CLK4: variants seen among roughly 807,000 people sequenced by gnomAD.
The protein encoded by CLK4 is dual specificity protein kinase CLK4.
In CLK4, 37 loss-of-function variants were observed where a neutral mutation model predicts 64.4. The ratio of observed to expected loss-of-function variants is 0.57; its 90% CI spans 0.44 to 0.76. The LOEUF (loss-of-function observed/expected upper bound fraction) is 0.76, where lower values mean the gene tolerates loss of function less well. CLK4 is among the 30% of genes least tolerant of loss of function. The probability of loss-of-function intolerance (pLI) is 0.00; values close to 1 mark genes in which losing one functional copy is unlikely to be tolerated. For missense variants in CLK4, 457 were observed against 605.1 expected, an observed-to-expected ratio of 0.76 and a Z score of 2.57; for synonymous variants, 175 against 191.6, an observed-to-expected ratio of 0.91 and a Z score of 0.72.
At chr5:178,616,041 C>A (rs1764622392) in intron 5 of CLK4, among the ~76,000 whole-genome samples, 1 of 152,192 alleles carries the variant, frequency 6.6e-6, no homozygotes. Flanking sequence ...TGAACATCCA[C>A]TTTAATTTCA....
intron 3 of CLK4, chr5:178,618,031 G>T (rs970853032): frequency 1.3e-5 from 2 of 151,806 alleles, no homozygotes; most frequent in East Asian, 1.9e-4. Flanking sequence ...AAAAAAAAAG[G>T]GGGGGGCAGA....
rs1313341745 is a variant in CLK4 at position 178,602,963 on chromosome 5, C to G, written c.*654G>C. Reference sequence around the variant, plus strand: ...TACTTGGAAATGTCCATTTTCCAAGCTGACTTTCCAGTTAGATTTTAATCT... The same window carrying G: ...TACTTGGAAATGTCCATTTTCCAAGGTGACTTTCCAGTTAGATTTTAATCT... On this transcript the variant is annotated 3_prime_UTR_variant, in exon 13 of 13. Coordinates refer to ENST00000316308, the MANE Select transcript of CLK4 (RefSeq NM_020666.3). 1.3e-5 allele frequency: 2 copies of G among 152,178 alleles called. No individual in the cohort carries two copies. The highest frequency in any genetic ancestry group is 6.5e-5 in the Admixed American group (1 of 15,276). 9.4% of individuals were successfully genotyped at this position (152,178 alleles called of 1,614,324 possible). A position where few individuals can be genotyped will look rare whatever the true frequency, so the allele number is the denominator to read the frequency against.
chr5:178,619,730 A>C, intron 2 of CLK4: 1 of 1,215,076 alleles, frequency 8.2e-7, no homozygotes, highest in East Asian at 5.9e-5. Context: ...AGGAATTTCA[A>C]AGGTCATGGG....
chr5:178,617,018 G>T lies in CLK4; in HGVS notation c.476-70C>A. 1.0e-6 allele frequency: 1 copy of T among 991,194 alleles called. No homozygotes were observed. Among genetic ancestry groups the T allele is most frequent in the Non-Finnish European group, 1.6e-6 (1 of 627,054 alleles). The allele number at this position is 991,194 out of a possible 1,614,324, so 61.4% of individuals were successfully genotyped here. On this transcript the variant is annotated intron_variant, in intron 4 of 12. Coordinates refer to ENST00000316308, the MANE Select transcript of CLK4 (RefSeq NM_020666.3). The surrounding 1 kb of genome is among the most constrained non-coding windows in gnomAD (Gnocchi z 5.2). ...CTGTCTAGTTCTTCAAACAATGAAT[G>T]CTTAAGTGTGGAATATTTTCAAATG...
At chr5:178,614,440 T>C (rs1221915580) in intron 5 of CLK4, among the ~76,000 whole-genome samples, 5 of 152,230 alleles carry the variant, frequency 3.3e-5, no homozygotes, top group Admixed American at 1.3e-4. Flanking sequence ...GATGCCAGTA[T>C]ACAGAAACAG....
intron 10 of CLK4, among the ~76,000 whole-genome samples, chr5:178,607,123 TA>T (rs35713579): frequency 4.7e-3 from 649 of 139,098 alleles, no homozygotes; most frequent in Middle Eastern, 0.011. Flanking sequence ...AAAGAGACAT[TA>T]AAAAAAAAAA....
At chr5:178,616,794 A>G in intron 5 of CLK4, 88 bp downstream of exon 5, 1 of 1,008,984 alleles carries the variant, frequency 9.9e-7, no homozygotes, top group Non-Finnish European at 1.5e-6. Flanking sequence ...CCTATCTCAA[A>G]TAAATAAATA....
chr5:178,606,100 G>GC (rs1177744422), intron 10 of CLK4, among the ~76,000 whole-genome samples: 3 of 152,208 alleles, frequency 2.0e-5, no homozygotes, highest in African/African-American at 7.2e-5. Context: ...ACAGGAATAA[G>GC]TAATACTAGC....
intron 1 of CLK4, among the ~76,000 whole-genome samples, chr5:178,624,561 C>T (rs1196198683): frequency 6.6e-6 from 1 of 152,230 alleles, no homozygotes; most frequent in Admixed American, 6.5e-5. Flanking sequence ...AGCATCTGCG[C>T]TCAAACAATA....
intron 7 of CLK4, among the ~76,000 whole-genome samples, chr5:178,613,263 T>C (rs945117443): frequency 6.6e-6 from 1 of 151,824 alleles, no homozygotes; most frequent in Non-Finnish European, 1.5e-5. Flanking sequence ...CTACTAAAAA[T>C]ACAAAAAATT....
chr5:178,623,180 G>C (rs1581712002), intron 2 of CLK4, 76 bp downstream of exon 2: 1 of 1,330,270 alleles, frequency 7.5e-7, no homozygotes, highest in Non-Finnish European at 1.1e-6. Flanking sequence ...TTTGACAGAT[G>C]AAAGCTATAT....
Position 178,603,937 on chromosome 5 carries a change from A to G in CLK4, c.1215-3T>C. On this transcript the variant is annotated splice_polypyrimidine_tract_variant and splice_region_variant and intron_variant, in intron 11 of 12. Coordinates refer to ENST00000316308, the MANE Select transcript of CLK4 (RefSeq NM_020666.3). ...TATGGTGAAAATACTTGCGTTTTCT[A>G]CAGAAAAAAAAAAAAAGTCTGGATT... is the stretch of plus-strand genomic sequence containing the variant. 6.3e-7 allele frequency: 1 copy of G among 1,591,500 alleles called. No individual in the cohort carries two copies. Among genetic ancestry groups the G allele is most frequent in the Non-Finnish European group, 8.5e-7 (1 of 1,171,488 alleles).
In CLK4 at chr5:178,623,323, T is replaced by C. The variant is rs2113815574; in HGVS notation, c.94A>G (p.Arg32Gly). 2 of 1,614,066 alleles carry C rather than the reference T, an allele frequency of 1.2e-6. No individual in the cohort carries two copies. Among genetic ancestry groups the C allele is most frequent in the Non-Finnish European group, 1.7e-6 (2 of 1,179,940 alleles). ...TTCTCTTGTGTGCTACTATGAGATC[T>C]CCTCTTCCGCTTGTGACTTCCACGA... ...SYRGSHKRKR[R>G]SHSSTQENRH... Residue 32 changes from arginine to glycine, a missense_variant, in exon 2 of 13, where the codon AGA becomes GGA. Transcript: ENST00000316308.
rs1764414884 is a variant in CLK4, at chr5:178,603,408, G to T, written c.*209C>A. 1 of 342,546 alleles carries T rather than the reference G, an allele frequency of 2.9e-6. No individual in the cohort carries two copies. Among genetic ancestry groups the T allele is most frequent in the Non-Finnish European group, 5.2e-6 (1 of 193,446 alleles). The allele number at this position is 342,546 out of a possible 1,614,324, so 21.2% of individuals were successfully genotyped here. On this transcript the variant is annotated 3_prime_UTR_variant, in exon 13 of 13. Coordinates refer to ENST00000316308, the MANE Select transcript of CLK4 (RefSeq NM_020666.3). ...TATTTAAAAATGGTAATTTCAAAAA[G>T]AAAAATTAATTTTAATTTTTCTAAT...
chr5:178,614,705 G>A (rs1262935523), intron 5 of CLK4, among the ~76,000 whole-genome samples: 2 of 152,128 alleles, frequency 1.3e-5, no homozygotes, highest in South Asian at 4.1e-4. Context: ...AAACAAACAC[G>A]TATTCTAATG....
chr5:178,608,625 C>A (rs1482280089), intron 9 of CLK4, among the ~76,000 whole-genome samples, 167 bp from the exon 10 acceptor site: 1 of 152,216 alleles, frequency 6.6e-6, no homozygotes, highest in African/African-American at 2.4e-5. Context: ...ATTCAACACA[C>A]TCCATAGTCC....
intron 5 of CLK4, among the ~76,000 whole-genome samples, chr5:178,615,708 C>A (rs1198317617): frequency 6.6e-6 from 1 of 152,162 alleles, no homozygotes; most frequent in East Asian, 1.9e-4. Flanking sequence ...TTGGAAATTA[C>A]ATCCTTCCCA....
At position 178,617,259 on chromosome 5, in the gene CLK4, G is replaced by T; in HGVS notation, c.475+85C>A. 2.8e-6 allele frequency: 3 copies of T among 1,072,384 alleles called. No homozygotes were observed. Among genetic ancestry groups the T allele is most frequent in the Non-Finnish European group, 1.4e-6 (1 of 699,360 alleles). 66.4% of individuals were successfully genotyped at this position (1,072,384 alleles called of 1,614,324 possible). A position where few individuals can be genotyped will look rare whatever the true frequency, so the allele number is the denominator to read the frequency against. ...AAGCAAAATAAAAAAGCAATGAAGA[G>T]TTCTTTAGCCCCCCGCTGACAAACT... On this transcript the variant is annotated intron_variant, in intron 4 of 12. Coordinates refer to ENST00000316308, the MANE Select transcript of CLK4 (RefSeq NM_020666.3). The surrounding 1 kb of genome is among the most constrained non-coding windows in gnomAD (Gnocchi z 5.2).
intron 2 of CLK4, chr5:178,620,544 A>G (rs78280088): frequency 5.4e-6 from 1 of 184,698 alleles, no homozygotes; most frequent in Non-Finnish European, 1.5e-5. Flanking sequence ...TGGACAGGGT[A>G]GACAGGATGA....
Sources: allele counts gnomAD v4.1 joint callset (sites outside exome capture counted in the v4.1 genomes callset), GRCh38; gene constraint gnomAD v4.1.1; non-coding constraint Gnocchi (gnomAD v3.1); transcripts MANE v1.5; gene names NCBI Gene and HGNC (gene_info 2026-07-23, HGNC 2026-07-21).